The following DGKG variants were observed in gnomAD, a reference collection of about 807,000 sequenced individuals.
The protein encoded by DGKG is DAG kinase gamma.
Under a neutral mutation model 105.3 loss-of-function variants are expected in DGKG, and 78 were observed. That is an observed-to-expected ratio of 0.74 (90% CI 0.62 to 0.89). The LOEUF is 0.89. Ranked by LOEUF, DGKG falls within the 40% of genes least tolerant of loss-of-function variation. The pLI, the probability that DGKG is intolerant of heterozygous loss-of-function variation, is 0.00. For synonymous variants in DGKG, 346 were observed against 367.1 expected (o/e 0.94, Z 0.66); for missense variants, 958 against 1,020.1 (o/e 0.94, Z 0.83).
chr3:186,210,328 C>T lies in DGKG; in HGVS notation c.1917+1467G>A, dbSNP rs1184836240. Reference sequence around the variant, plus strand: ...CACACATATCCCTGTTAGCCACACTCGGTTCCCCTGCCAAGGCCTCTCCTC... The same window carrying T: ...CACACATATCCCTGTTAGCCACACTTGGTTCCCCTGCCAAGGCCTCTCCTC... On this transcript the variant is annotated intron_variant, in intron 21 of 24. Transcript: ENST00000265022. The surrounding 1 kb of genome is among the most constrained non-coding windows in gnomAD (Gnocchi z 5.2). 2.0e-5 allele frequency among the ~76,000 whole-genome samples: 3 copies of T among 152,228 alleles called. No individual in the cohort carries two copies. Among genetic ancestry groups the T allele is most frequent in the East Asian group, 3.9e-4 (2 of 5,182 alleles).
chr3:186,229,892 G>A (rs1356979406), intron 20 of DGKG, among the ~76,000 whole-genome samples: 3 of 152,214 alleles, frequency 2.0e-5, no homozygotes, highest in Non-Finnish European at 4.4e-5. Flanking sequence ...AGACATAACA[G>A]TAGTTTAGCA....
intron 20 of DGKG, among the ~76,000 whole-genome samples, chr3:186,214,605 A>AAT (rs1719188552): frequency 6.6e-6 from 1 of 152,192 alleles, no homozygotes; most frequent in Admixed American, 6.5e-5. Context: ...ATATGTCCTT[A>AAT]ATAGATTTTT....
At chr3:186,300,676 C>T (rs1205686624) in intron 3 of DGKG, among the ~76,000 whole-genome samples, 1 of 152,204 alleles carries the variant, frequency 6.6e-6, no homozygotes, top group Non-Finnish European at 1.5e-5. Flanking sequence ...CTATTAATCT[C>T]TTTCAGCTAG....
At chr3:186,192,218 G>T (rs1717943097) in intron 21 of DGKG, among the ~76,000 whole-genome samples, 1 of 152,054 alleles carries the variant, frequency 6.6e-6, no homozygotes, top group Non-Finnish European at 1.5e-5. Context: ...TACCATGTTG[G>T]CCAGCCGGGT....
At position 186,284,644 on chromosome 3, in the gene DGKG, T is replaced by C; in HGVS notation, c.594+16A>G. On this transcript the variant is annotated intron_variant, in intron 7 of 24. Coordinates refer to ENST00000265022, the MANE Select transcript of DGKG (RefSeq NM_001346.3). This position sits in a 1 kb window ranked among gnomAD's most constrained non-coding sequence, Gnocchi z 4.0. ...CTTTCTCAGGTCCATGAGGGATATT[T>C]AGAGTGAGAACTTACCGCTTGGTCC... 6.2e-7 allele frequency: 1 copy of C among 1,610,490 alleles called. No individual in the cohort carries two copies. Among genetic ancestry groups the C allele is most frequent in the Non-Finnish European group, 8.5e-7 (1 of 1,176,706 alleles).
chr3:186,335,689 G>A (rs968824496), intron 1 of DGKG, among the ~76,000 whole-genome samples: 11 of 152,126 alleles, frequency 7.2e-5, no homozygotes, highest in Admixed American at 6.5e-4. Context: ...CCAAGGTAAC[G>A]CTATATGCCA....
intron 1 of DGKG, among the ~76,000 whole-genome samples, chr3:186,327,904 G>A (rs1227461885): frequency 6.6e-6 from 1 of 152,090 alleles, no homozygotes; most frequent in Non-Finnish European, 1.5e-5. Context: ...AGGAAAAAAA[G>A]AGCTGTCTCC....
intron 3 of DGKG, among the ~76,000 whole-genome samples, chr3:186,302,247 T>A (rs1199753965): frequency 6.6e-6 from 1 of 151,772 alleles, no homozygotes; most frequent in Non-Finnish European, 1.5e-5. Context: ...CATCTTTGAA[T>A]CCCCCACACC....
intron 23 of DGKG, among the ~76,000 whole-genome samples, chr3:186,164,449 A>G (rs1469607732): frequency 2.0e-5 from 3 of 152,230 alleles, no homozygotes; most frequent in African/African-American, 4.8e-5. Flanking sequence ...ATGGCTTAGC[A>G]TACAAAGGTG....
chr3:186,193,872 C>T (rs1434180414), intron 21 of DGKG, among the ~76,000 whole-genome samples: 1 of 152,242 alleles, frequency 6.6e-6, no homozygotes, highest in African/African-American at 2.4e-5. Context: ...TAACCCAGGA[C>T]CTGGCTAGCA....
At chr3:186,183,502 C>T (rs6779329) in intron 22 of DGKG, among the ~76,000 whole-genome samples, 234 of 1,434 alleles carry the variant, frequency 0.16, no homozygotes, top group African/African-American at 0.32. Context: ...AAGAACCTTT[C>T]TTGGGGGGGG....
In DGKG at chr3:186,150,200, G is replaced by A. The variant is rs1715690364; in HGVS notation, c.2278-12C>T. 5.6e-6 allele frequency: 9 copies of A among 1,606,374 alleles called. No individual in the cohort carries two copies. In the Admixed American group the frequency reaches 1.0e-4, roughly 18 times the overall value. ...TGAGTAATTTTAATCTAAAAGCAAA[G>A]AGGCAGAAATGAATTAGTGGCATGC... is the stretch of plus-strand genomic sequence containing the variant. On this transcript the variant is annotated splice_polypyrimidine_tract_variant and intron_variant, in intron 24 of 24. Transcript: ENST00000265022.
intron 9 of DGKG, among the ~76,000 whole-genome samples, chr3:186,276,771 G>A (rs533193343): frequency 1.3e-5 from 2 of 152,302 alleles, no homozygotes; most frequent in African/African-American, 4.8e-5. Context: ...CATTACAAGA[G>A]TAACACTCTT....
intron 20 of DGKG, among the ~76,000 whole-genome samples, chr3:186,237,712 T>C (rs1205422661): frequency 6.6e-6 from 1 of 152,208 alleles, no homozygotes; most frequent in East Asian, 1.9e-4. Context: ...GAGACAGCAG[T>C]TGCGGCAAAC....
intron 2 of DGKG, among the ~76,000 whole-genome samples, chr3:186,310,918 G>A (rs1724511216): frequency 6.7e-6 from 1 of 149,538 alleles, no homozygotes; most frequent in Admixed American, 6.7e-5. Context: ...AGAAGAAACC[G>A]AGGCTTATGG....
In DGKG at chr3:186,232,983, T is replaced by TAA. The variant is rs1328036998; in HGVS notation, c.1826+9519_1826+9520dup. 2.0e-5 allele frequency among the ~76,000 whole-genome samples: 3 copies of TAA among 152,316 alleles called. No individual in the cohort carries two copies. In the East Asian group the frequency reaches 5.8e-4, roughly 29 times the overall value. On this transcript the variant is annotated intron_variant, in intron 20 of 24. Transcript: ENST00000265022. ...GTGCCCGACTCTGTAATAGACACTT[T>TAA]AAATGCATTGTTCCAATAGATCCTC...
chr3:186,246,264 G>A (rs759595905), intron 19 of DGKG, among the ~76,000 whole-genome samples: 2 of 152,154 alleles, frequency 1.3e-5, no homozygotes, highest in African/African-American at 2.4e-5. Flanking sequence ...GAGCCCCCAC[G>A]CCTGGCCTGA....
chr3:186,302,902 T>A (rs991767682), intron 3 of DGKG, among the ~76,000 whole-genome samples: 1 of 152,068 alleles, frequency 6.6e-6, no homozygotes, highest in African/African-American at 2.4e-5. Flanking sequence ...ATGCACAGAA[T>A]AAACCCAGAA....
In DGKG at chr3:186,257,926, G is replaced by A. The variant is rs145972011; in HGVS notation, c.1438C>T (p.Arg480Cys). 122 of 1,613,978 alleles carry A rather than the reference G, an allele frequency of 7.6e-5. 3 individuals carry two copies. In the South Asian group the frequency reaches 1.0e-3, roughly 14 times the overall value. Residue 480 changes from arginine (R) to cysteine (C), a missense_variant, in exon 17 of 25, where the codon CGT becomes TGT. By Grantham distance (180) the Arg-to-Cys change is radical. Transcript: ENST00000265022. ...GGPTPGLNFF[R>C]DTPDFRVLAC... ...AAAACACGGAAGTCTGGAGTATCACGGAAAAAGTTCAACCTGGGAAGAAGA... is the reference window on the plus strand; with the variant it reads ...AAAACACGGAAGTCTGGAGTATCACAGAAAAAGTTCAACCTGGGAAGAAGA...
Sources: allele counts gnomAD v4.1 joint callset (sites outside exome capture counted in the v4.1 genomes callset), GRCh38; gene constraint gnomAD v4.1.1; non-coding constraint Gnocchi (gnomAD v3.1); transcripts MANE v1.5; gene names NCBI Gene and HGNC (gene_info 2026-07-23, HGNC 2026-07-21).